The following FOXP1 variants were observed in gnomAD, a reference collection of about 807,000 sequenced individuals.
FOXP1 encodes forkhead box protein P1.
FOXP1 carries 15 observed loss-of-function variants against 98.2 expected under a neutral mutation model. That is an observed-to-expected ratio of 0.15 (90% CI 0.10 to 0.24). FOXP1 has a LOEUF of 0.24. FOXP1 is among the 10% of genes least tolerant of loss of function. The pLI is 1.00. For synonymous variants in FOXP1, 371 were observed against 314.5 expected, an observed-to-expected ratio of 1.18 and a Z score of -1.90; for missense variants, 633 against 848.5, an observed-to-expected ratio of 0.75 and a Z score of 3.15.
At chr3:71,493,789 A>G (rs72961264) in intron 2 of FOXP1, among the ~76,000 whole-genome samples, 4,975 of 152,298 alleles carry the variant, frequency 0.033, 254 homozygotes, top group African/African-American at 0.11. Flanking sequence ...GTTATTTATT[A>G]TGGGCTTTGT....
chr3:71,268,216 G>A (rs112816560), intron 5 of FOXP1, among the ~76,000 whole-genome samples: 5,641 of 149,536 alleles, frequency 0.038, 143 homozygotes, highest in South Asian at 0.061. Context: ...TCAGACTCCC[G>A]AGTAGCTGGG....
At chr3:71,328,945 C>T (rs1051153765) in intron 4 of FOXP1, among the ~76,000 whole-genome samples, 1 of 135,794 alleles carries the variant, frequency 7.4e-6, no homozygotes, top group Non-Finnish European at 1.5e-5. Flanking sequence ...CACTCCAGCC[C>T]GGGCAACAAG....
chr3:71,228,796 A>T (rs184342921), intron 5 of FOXP1, among the ~76,000 whole-genome samples: 1 of 152,236 alleles, frequency 6.6e-6, no homozygotes, highest in Non-Finnish European at 1.5e-5. Flanking sequence ...AACAGAGAAA[A>T]TTGGCTGGCA....
At chr3:71,281,540 C>G (rs1440976739) in intron 5 of FOXP1, among the ~76,000 whole-genome samples, 1 of 152,212 alleles carries the variant, frequency 6.6e-6, no homozygotes. Flanking sequence ...AATACCTGAC[C>G]GACATGGTTT....
chr3:71,264,042 C>T (rs2069413314), intron 5 of FOXP1, among the ~76,000 whole-genome samples: 1 of 152,074 alleles, frequency 6.6e-6, no homozygotes, highest in Non-Finnish European at 1.5e-5. Flanking sequence ...TGAGCCATTG[C>T]ACCCAGCCAG....
At chr3:71,242,481 T>C (rs2067366414) in intron 5 of FOXP1, among the ~76,000 whole-genome samples, 1 of 152,208 alleles carries the variant, frequency 6.6e-6, no homozygotes, top group African/African-American at 2.4e-5. Flanking sequence ...CTAGCTATTG[T>C]CAATTTTGGC....
At chr3:71,294,159 T>C (rs993507936) in intron 5 of FOXP1, among the ~76,000 whole-genome samples, 2 of 152,206 alleles carry the variant, frequency 1.3e-5, no homozygotes, top group African/African-American at 2.4e-5. Context: ...GGTTTTTTCT[T>C]AAGCGATGAA....
In FOXP1 at chr3:70,954,872, A is replaced by G; in HGVS notation, c.*4375T>C. 1 of 232,452 alleles carries G rather than the reference A, an allele frequency of 4.3e-6. No homozygotes were observed. The highest frequency in any genetic ancestry group is 8.5e-6 in the Non-Finnish European group (1 of 117,812). The allele number at this position is 232,452 out of a possible 1,614,324, so 14.4% of individuals were successfully genotyped here. A position where few individuals can be genotyped will look rare whatever the true frequency, so the allele number is the denominator to read the frequency against. On this transcript the variant is annotated 3_prime_UTR_variant, in exon 21 of 21. Transcript: ENST00000649528. ...AAGGAATGAGTTTCTTTTATGCCTT[A>G]TCAAAACAAAACAAAACAAAACAAA...
chr3:70,970,902 G>A (rs2036087444), intron 18 of FOXP1, 97 bp from the exon 19 acceptor site: 1 of 923,438 alleles, frequency 1.1e-6, no homozygotes. Context: ...CCTTCCAAAT[G>A]AGCAATTTCC....
At chr3:70,967,423 CA>C (rs1202835273) in intron 19 of FOXP1, among the ~76,000 whole-genome samples, 5 of 152,280 alleles carry the variant, frequency 3.3e-5, no homozygotes, top group African/African-American at 1.2e-4. Flanking sequence ...TGTAAGCCCA[CA>C]GCTTTTCCTT....
At chr3:71,305,510 G>A (rs568889041) in intron 4 of FOXP1, among the ~76,000 whole-genome samples, 11 of 152,242 alleles carry the variant, frequency 7.2e-5, no homozygotes, top group East Asian at 1.9e-4. Flanking sequence ...ACAATACAGC[G>A]GCAGAGTTTC....
rs139203029 is a variant in FOXP1 at position 71,094,533 on chromosome 3, G to A, written c.282+18003C>T. On this transcript the variant is annotated intron_variant, in intron 7 of 20. Coordinates refer to ENST00000649528, the MANE Select transcript of FOXP1 (RefSeq NM_001349338.3). ...ATGTAACAATTTTCTTGGCTCCTCA[G>A]TACTATAGAAACAAGCTTCGGGGTT... Among the ~76,000 whole-genome samples, 1,085 of 152,120 alleles carry A rather than the reference G, an allele frequency of 7.1e-3. 6 individuals carry two copies. The highest frequency in any genetic ancestry group is 0.012 in the South Asian group (56 of 4,810).
chr3:71,068,205 G>T (rs2052789063), intron 7 of FOXP1, among the ~76,000 whole-genome samples: 1 of 152,130 alleles, frequency 6.6e-6, no homozygotes, highest in Non-Finnish European at 1.5e-5. Context: ...TGAGTCCATT[G>T]TGCAGCTGGC....
chr3:71,391,848 G>C, intron 3 of FOXP1, among the ~76,000 whole-genome samples: 1 of 152,164 alleles, frequency 6.6e-6, no homozygotes, highest in East Asian at 1.9e-4. Context: ...CTCTCTCTCT[G>C]TGCTGGGGGA....
chr3:71,228,027 C>T (rs1287479366), intron 5 of FOXP1, among the ~76,000 whole-genome samples: 19 of 79,846 alleles, frequency 2.4e-4, no homozygotes, highest in Admixed American at 1.3e-3. Flanking sequence ...GGGTGGGGGG[C>T]GGGGGAGGTG....
intron 4 of FOXP1, among the ~76,000 whole-genome samples, chr3:71,348,579 G>C (rs563004967): frequency 6.7e-6 from 1 of 150,134 alleles, no homozygotes; most frequent in East Asian, 2.0e-4. Flanking sequence ...ATGCATGTGT[G>C]TATAAGTCAC....
At chr3:71,188,534 C>T (rs1056010695) in intron 6 of FOXP1, among the ~76,000 whole-genome samples, 3 of 152,010 alleles carry the variant, frequency 2.0e-5, no homozygotes, top group African/African-American at 7.3e-5. Context: ...CCTGCCTCAG[C>T]CTCCTGAGTA....
chr3:71,039,817 C>T (rs2048097376), intron 11 of FOXP1, among the ~76,000 whole-genome samples: 1 of 151,708 alleles, frequency 6.6e-6, no homozygotes, highest in East Asian at 1.9e-4. Flanking sequence ...AGATTGGCTT[C>T]CAGACATACA....
At chr3:71,446,774 G>A (rs1044154273) in intron 3 of FOXP1, among the ~76,000 whole-genome samples, 1 of 152,256 alleles carries the variant, frequency 6.6e-6, no homozygotes. Flanking sequence ...AATCATTGAA[G>A]GGATTTTAAA....
Sources: allele counts gnomAD v4.1 joint callset (sites outside exome capture counted in the v4.1 genomes callset), GRCh38; gene constraint gnomAD v4.1.1; transcripts MANE v1.5; gene names NCBI Gene and HGNC (gene_info 2026-07-23, HGNC 2026-07-21).